Variants in BEND6 observed in about 807,000 individuals in gnomAD.
BEND6 encodes BEN domain-containing protein 6.
BEND6 carries 24 observed loss-of-function variants against 31.8 expected under a neutral mutation model. The ratio of observed to expected loss-of-function variants is 0.75; its 90% CI spans 0.55 to 1.06. BEND6 has a LOEUF of 1.06. BEND6 is among the 50% of genes least tolerant of loss of function. The pLI is 0.00. For missense variants in BEND6, 294 were observed against 327.4 expected (o/e 0.90, Z 0.79); for synonymous variants, 109 against 114.6 (o/e 0.95, Z 0.31).
At chr6:57,013,781 GT>G (rs1437961075) in intron 3 of BEND6, 1 of 152,284 alleles carries the variant, frequency 6.6e-6, no homozygotes, top group African/African-American at 2.4e-5. Context: ...TTGTAAATAA[GT>G]CTCCCCTTCA....
intron 1 of BEND6, among the ~76,000 whole-genome samples, chr6:56,964,976 G>A (rs1825418482): frequency 6.6e-6 from 1 of 152,160 alleles, no homozygotes; most frequent in African/African-American, 2.4e-5. Context: ...ATCCTTAACT[G>A]GTTTCTTAGT....
chr6:56,987,654 T>C (rs779790326), intron 2 of BEND6, among the ~76,000 whole-genome samples: 2 of 152,210 alleles, frequency 1.3e-5, no homozygotes, highest in Non-Finnish European at 2.9e-5. Flanking sequence ...GCTAATCAAG[T>C]TCTTATTGCC....
In BEND6 at chr6:57,026,970, G is replaced by C. The variant is rs1827922781; in HGVS notation, c.*898G>C. On this transcript the variant is annotated 3_prime_UTR_variant, in exon 7 of 7. Coordinates refer to ENST00000370746, the MANE Select transcript of BEND6 (RefSeq NM_152731.3). ...ATTGCTATACTGCTTAGTTTTAACT[G>C]GTTTATTTTTATTGTAGCAGAAATG... 1 of 152,086 alleles carries C rather than the reference G, an allele frequency of 6.6e-6. No individual in the cohort carries two copies. Among genetic ancestry groups the C allele is most frequent in the Non-Finnish European group, 1.5e-5 (1 of 68,004 alleles). The allele number at this position is 152,086 out of a possible 1,614,324, so 9.4% of individuals were successfully genotyped here.
At chr6:56,973,324 A>C (rs1825753585) in intron 1 of BEND6, among the ~76,000 whole-genome samples, 1 of 152,194 alleles carries the variant, frequency 6.6e-6, no homozygotes, top group Non-Finnish European at 1.5e-5. Context: ...AGGACCTTAG[A>C]GGGTGCATAC....
intron 2 of BEND6, among the ~76,000 whole-genome samples, chr6:56,987,084 T>A (rs940629044): frequency 2.6e-5 from 4 of 151,802 alleles, no homozygotes; most frequent in African/African-American, 9.7e-5. Context: ...TTCAAACAAT[T>A]CTCGTGCCTC....
intron 6 of BEND6, among the ~76,000 whole-genome samples, chr6:57,024,342 G>A (rs1488869141): frequency 1.3e-5 from 2 of 152,146 alleles, no homozygotes; most frequent in Non-Finnish European, 2.9e-5. Context: ...TTGCACATTA[G>A]CATTTTTGTC....
At chr6:57,012,288 T>C (rs915903275) in intron 3 of BEND6, among the ~76,000 whole-genome samples, 6 of 152,178 alleles carry the variant, frequency 3.9e-5, no homozygotes, top group African/African-American at 1.4e-4. Flanking sequence ...CTTAAAATAT[T>C]ATGCAGAGAA....
At chr6:56,999,833 G>A (rs6924882) in intron 3 of BEND6, among the ~76,000 whole-genome samples, 33,258 of 152,144 alleles carry the variant, frequency 0.22, 3,769 homozygotes, top group Middle Eastern at 0.23. Context: ...TGCATGGCCC[G>A]ATATAAAACC....
At chr6:57,025,217 T>C (rs1827864723) in intron 6 of BEND6, among the ~76,000 whole-genome samples, 1 of 152,222 alleles carries the variant, frequency 6.6e-6, no homozygotes, top group Non-Finnish European at 1.5e-5. Context: ...CAGTCACTGA[T>C]TTCTTGCTTT....
intron 4 of BEND6, among the ~76,000 whole-genome samples, chr6:57,015,664 A>T (rs6903324): frequency 6.6e-6 from 1 of 151,124 alleles, no homozygotes; most frequent in African/African-American, 2.4e-5. Context: ...AATTAACCGG[A>T]CGTGATGACG....
intron 3 of BEND6, among the ~76,000 whole-genome samples, chr6:56,996,434 G>A (rs1292074436): frequency 2.6e-5 from 4 of 151,918 alleles, no homozygotes; most frequent in Admixed American, 6.6e-5. Context: ...GTGACATAGC[G>A]AGACTCTGTC....
At chr6:56,975,664 C>G (rs1825846424) in intron 1 of BEND6, 1 of 415,510 alleles carries the variant, frequency 2.4e-6, no homozygotes, top group Admixed American at 2.8e-5. Flanking sequence ...TGAAAAAACT[C>G]AGTAGGACAC....
At position 57,015,479 on chromosome 6, in the gene BEND6, T is replaced by C. The variant is rs1226176956; in HGVS notation, c.519+126T>C. 3 of 989,774 alleles carry C rather than the reference T, an allele frequency of 3.0e-6. No homozygotes were observed. The South Asian group carries it at 5.1e-5, about 17-fold the overall frequency. 61.3% of individuals were successfully genotyped at this position (989,774 alleles called of 1,614,324 possible). Reference sequence around the variant, plus strand: ...ATAAAATAGTTTTATTCAATAGGAATATTACAATTCTTAAGTACCACAAAG... The same window carrying C: ...ATAAAATAGTTTTATTCAATAGGAACATTACAATTCTTAAGTACCACAAAG... On this transcript the variant is annotated intron_variant, in intron 4 of 6. Coordinates refer to ENST00000370746, the MANE Select transcript of BEND6 (RefSeq NM_152731.3).
intron 3 of BEND6, among the ~76,000 whole-genome samples, chr6:57,003,592 C>G (rs1487798287): frequency 6.6e-6 from 1 of 152,114 alleles, no homozygotes; most frequent in Non-Finnish European, 1.5e-5. Context: ...TAGACAAATT[C>G]TACCAGACAT....
intron 1 of BEND6, among the ~76,000 whole-genome samples, chr6:56,956,943 G>C (rs1825105808): frequency 6.6e-6 from 1 of 152,222 alleles, no homozygotes; most frequent in African/African-American, 2.4e-5. Flanking sequence ...AACTAACCGT[G>C]TGCAGACATT....
intron 2 of BEND6, among the ~76,000 whole-genome samples, chr6:56,983,368 TG>T (rs1254912351): frequency 6.6e-6 from 1 of 152,206 alleles, no homozygotes; most frequent in Non-Finnish European, 1.5e-5. Flanking sequence ...TTATTACCTA[TG>T]GTCCTCGTGT....
intron 3 of BEND6, chr6:57,008,946 T>C (rs1191689865): frequency 6.6e-6 from 1 of 152,212 alleles, no homozygotes; most frequent in Admixed American, 6.5e-5. Flanking sequence ...TGGAATATTA[T>C]TCATCCATAA....
At chr6:57,011,730 A>AG (rs894655940) in intron 3 of BEND6, among the ~76,000 whole-genome samples, 7 of 147,744 alleles carry the variant, frequency 4.7e-5, no homozygotes, top group African/African-American at 1.7e-4. Context: ...AAAAAAAAAA[A>AG]AAAAAGAAAA....
At chr6:56,957,577 GT>G (rs993209983) in intron 1 of BEND6, among the ~76,000 whole-genome samples, 8 of 152,134 alleles carry the variant, frequency 5.3e-5, no homozygotes, top group African/African-American at 1.7e-4. Flanking sequence ...TTCCTGGTAG[GT>G]TTTTGCTTTA....
Sources: gnomAD v4.1 joint callset for allele counts (sites outside exome capture counted in the v4.1 genomes callset) on GRCh38, gnomAD v4.1.1 for gene constraint, MANE v1.5 for transcripts, NCBI Gene and HGNC (gene_info 2026-07-23, HGNC 2026-07-21) for gene names.